Variants in KAZN observed in about 807,000 individuals in gnomAD.
KAZN encodes the protein kazrin.
Under a neutral mutation model 87.4 loss-of-function variants are expected in KAZN, and 40 were observed. That is an observed-to-expected ratio of 0.46 (90% confidence interval 0.36 to 0.60). The LOEUF is 0.60. Ranked by LOEUF, KAZN falls within the 20% of genes least tolerant of loss-of-function variation. The pLI, the probability that KAZN is intolerant of heterozygous loss-of-function variation, is 0.00. For missense variants in KAZN, 898 were observed against 1,073.9 expected (o/e 0.84, Z 2.29); for synonymous variants, 466 against 458.3 (o/e 1.02, Z -0.22).
chr1:15,088,702 C>T (rs555026494), intron 8 of KAZN, among the ~76,000 whole-genome samples: 197 of 151,522 alleles, frequency 1.3e-3, no homozygotes, highest in South Asian at 2.9e-3. Context: ...TGGTTTATGA[C>T]CCCAAGGCCC....
chr1:14,450,939 C>T (rs1032695630), intron 2 of KAZN, among the ~76,000 whole-genome samples: 2 of 151,956 alleles, frequency 1.3e-5, no homozygotes, highest in African/African-American at 4.8e-5. Flanking sequence ...CGGTGCTGTC[C>T]TCCCGATAGT....
At chr1:14,078,204 C>T (rs1031500783) in intron 1 of KAZN, among the ~76,000 whole-genome samples, 1 of 152,202 alleles carries the variant, frequency 6.6e-6, no homozygotes, top group Admixed American at 6.5e-5. Flanking sequence ...CTGATGTACA[C>T]TCTTGCCACT....
intron 1 of KAZN, among the ~76,000 whole-genome samples, chr1:14,061,499 G>A (rs969675917): frequency 3.3e-5 from 5 of 152,288 alleles, no homozygotes; most frequent in Admixed American, 1.3e-4. Context: ...CCCGTAGAAC[G>A]TTCTAGAACA....
intron 2 of KAZN, among the ~76,000 whole-genome samples, chr1:14,584,042 G>A (rs1007229784): frequency 3.3e-5 from 5 of 152,182 alleles, no homozygotes; most frequent in African/African-American, 1.2e-4. Context: ...GCAGGGATGT[G>A]TTGCGTGTGG....
intron 1 of KAZN, among the ~76,000 whole-genome samples, chr1:14,053,092 T>C (rs1365649863): frequency 6.6e-6 from 1 of 152,196 alleles, no homozygotes; most frequent in Non-Finnish European, 1.5e-5. Flanking sequence ...TGATGTTACA[T>C]GGCAGTGGTC....
At chr1:14,678,106 A>C (rs1640344354) in intron 1 of KAZN, among the ~76,000 whole-genome samples, 1 of 152,076 alleles carries the variant, frequency 6.6e-6, no homozygotes, top group Non-Finnish European at 1.5e-5. Flanking sequence ...CTGAAGATGC[A>C]AAGTATTGTT....
chr1:13,994,026 A>C (rs529821273), intron 1 of KAZN, among the ~76,000 whole-genome samples: 1 of 152,236 alleles, frequency 6.6e-6, no homozygotes, highest in African/African-American at 2.4e-5. Flanking sequence ...ATTTTTATCC[A>C]AAAAGGACCT....
intron 1 of KAZN, among the ~76,000 whole-genome samples, chr1:14,714,957 A>G (rs1255747416): frequency 1.3e-5 from 2 of 151,024 alleles, no homozygotes; most frequent in African/African-American, 2.4e-5. Context: ...ATCATGCCCA[A>G]CTAATTTTTT....
chr1:14,431,121 T>C (rs576636889), intron 2 of KAZN, among the ~76,000 whole-genome samples: 4 of 152,304 alleles, frequency 2.6e-5, no homozygotes, highest in African/African-American at 9.6e-5. Context: ...ATACGCATAT[T>C]GAAGAACAAA....
chr1:15,085,330 T>C (rs926805166), intron 8 of KAZN, among the ~76,000 whole-genome samples: 2 of 152,152 alleles, frequency 1.3e-5, no homozygotes, highest in African/African-American at 4.8e-5. Flanking sequence ...TCTGCCATTA[T>C]TATTTTGTTT....
At position 15,114,591 on chromosome 1, in the gene KAZN, T is replaced by C; in HGVS notation, c.2284T>C (p.Cys762Arg). The change falls in exon 15 of 15, where the codon TGC becomes CGC. Residue 762 changes from cysteine to arginine, a missense_variant. Physicochemically the swap from Cys to Arg is radical, Grantham distance 180. Coordinates refer to ENST00000376030, the MANE Select transcript of KAZN (RefSeq NM_201628.3). ...DDDPQSRLEQ[C>R]RLEGYNSLEV... ...TGACCCCCAGAGCAGGCTGGAACAG[T>C]GCCGTCTGGAAGGCTACAACAGCCT... is the stretch of plus-strand genomic sequence containing the variant. 6.2e-7 allele frequency: 1 copy of C among 1,601,196 alleles called. No individual in the cohort carries two copies. The highest frequency in any genetic ancestry group is 8.5e-7 in the Non-Finnish European group (1 of 1,173,756).
intron 1 of KAZN, among the ~76,000 whole-genome samples, chr1:14,936,887 G>A (rs972926499): frequency 1.3e-5 from 2 of 152,172 alleles, no homozygotes; most frequent in African/African-American, 4.8e-5. Flanking sequence ...CTCCATAAAC[G>A]TGACAGTCCC....
At chr1:14,011,106 G>A (rs17351165) in intron 1 of KAZN, among the ~76,000 whole-genome samples, 14,144 of 151,726 alleles carry the variant, frequency 0.093, 862 homozygotes, top group South Asian at 0.19. Context: ...CAGACCAAGA[G>A]GCAAGATCTA....
At chr1:15,049,278 G>C (rs976274647) in intron 4 of KAZN, among the ~76,000 whole-genome samples, 3 of 152,252 alleles carry the variant, frequency 2.0e-5, no homozygotes, top group Non-Finnish European at 4.4e-5. Flanking sequence ...GTCCCTGGGA[G>C]CCCGGCTCAC....
intron 2 of KAZN, among the ~76,000 whole-genome samples, chr1:14,386,242 A>C (rs1206990347): frequency 3.4e-5 from 5 of 147,446 alleles, no homozygotes; most frequent in African/African-American, 1.3e-4. Flanking sequence ...AATACAGCAC[A>C]CTGATGGGTC....
intron 1 of KAZN, among the ~76,000 whole-genome samples, chr1:14,758,399 C>G (rs1239273538): frequency 1.3e-5 from 2 of 152,146 alleles, no homozygotes; most frequent in Non-Finnish European, 2.9e-5. Flanking sequence ...TCTCAACCTT[C>G]TGAGCTCAAG....
intron 1 of KAZN, among the ~76,000 whole-genome samples, chr1:14,600,138 A>G (rs747618383): frequency 2.4e-4 from 37 of 152,212 alleles, no homozygotes; most frequent in South Asian, 2.1e-3. Context: ...CCTTTAAGAA[A>G]CAGTATCACT....
At chr1:14,161,088 C>T (rs184408152) in intron 1 of KAZN, among the ~76,000 whole-genome samples, 1 of 152,302 alleles carries the variant, frequency 6.6e-6, no homozygotes, top group African/African-American at 2.4e-5. Flanking sequence ...GTATCTTAAA[C>T]ACAAGTTTTT....
intron 1 of KAZN, among the ~76,000 whole-genome samples, chr1:14,822,891 CAGAAGCTCCTCT>C (rs1482895846): frequency 6.6e-6 from 1 of 152,182 alleles, no homozygotes; most frequent in Non-Finnish European, 1.5e-5. Flanking sequence ...AGGAGCCCTC[CAGAAGCTCCTCT>C]AGCCCTGGCC....
Sources: allele counts gnomAD v4.1 joint callset (sites outside exome capture counted in the v4.1 genomes callset), GRCh38; gene constraint gnomAD v4.1.1; transcripts MANE v1.5; gene names NCBI Gene and HGNC (gene_info 2026-07-23, HGNC 2026-07-21).